Variants in SEPTIN9 observed in about 807,000 individuals in gnomAD.
The protein encoded by SEPTIN9 is septin 9.
In SEPTIN9, 13 loss-of-function variants were observed where a neutral mutation model predicts 56.6. That is an observed-to-expected ratio of 0.23 (90% confidence interval 0.15 to 0.37). The LOEUF (loss-of-function observed/expected upper bound fraction) is 0.37, where lower values mean the gene tolerates loss of function less well. SEPTIN9 is among the 10% of genes least tolerant of loss of function. The probability of loss-of-function intolerance (pLI) is 1.00; values close to 1 mark genes in which losing one functional copy is unlikely to be tolerated. For missense variants in SEPTIN9, 650 were observed against 823.1 expected, an observed-to-expected ratio of 0.79 and a Z score of 2.57; for synonymous variants, 332 against 334.1, an observed-to-expected ratio of 0.99 and a Z score of 0.07.
chr17:77,454,147 C>T (rs1045917028), intron 3 of SEPTIN9: 36 of 985,776 alleles, frequency 3.7e-5, no homozygotes, highest in Middle Eastern at 5.2e-4. Context: ...CCCCTCTCTG[C>T]AGCCCTCACC....
rs764405086 is a variant in SEPTIN9 at position 77,475,914 on chromosome 17, A to G, written c.722-6230A>G. On this transcript the variant is annotated intron_variant, in intron 3 of 11. Transcript: ENST00000427177. This position sits in a 1 kb window ranked among gnomAD's most constrained non-coding sequence, Gnocchi z 4.6. ...GCAGTGACAGACAAGGTGTGTGGGG[A>G]TGTGGCCATTTCGGTCCGTGCTCTG... is the stretch of plus-strand genomic sequence containing the variant. 1.2e-6 allele frequency: 2 copies of G among 1,604,358 alleles called. No homozygotes were observed. Among genetic ancestry groups the G allele is most frequent in the African/African-American group, 2.7e-5 (2 of 74,812 alleles).
At chr17:77,466,264 C>A in intron 3 of SEPTIN9, 1 of 366,262 alleles carries the variant, frequency 2.7e-6, no homozygotes, top group Non-Finnish European at 3.8e-6. Flanking sequence ...CTCAGAGATG[C>A]AGCCGAGGAG....
chr17:77,396,259 G>A (rs894062341), intron 2 of SEPTIN9, among the ~76,000 whole-genome samples: 1 of 152,238 alleles, frequency 6.6e-6, no homozygotes, highest in Non-Finnish European at 1.5e-5. Flanking sequence ...TCAGCTGGGA[G>A]CCTCTTCTGT....
rs1341262637 is a variant in SEPTIN9 at position 77,389,685 on chromosome 17, A to C, written c.77-12374A>C. Among the ~76,000 whole-genome samples the C allele has an allele frequency of 6.6e-6, 1 of 150,538 alleles. No individual in the cohort carries two copies. Among genetic ancestry groups the C allele is most frequent in the African/African-American group, 2.5e-5 (1 of 40,760 alleles). On this transcript the variant is annotated intron_variant, in intron 2 of 11. Coordinates refer to ENST00000427177, the MANE Select transcript of SEPTIN9 (RefSeq NM_001113491.2). The surrounding 1 kb of genome is among the most constrained non-coding windows in gnomAD (Gnocchi z 4.3). ...CCGTCCCACCCTTCTGCTGCCTTCC[A>C]CCAGGGACGGAGGGTGGGCGGCCCT...
chr17:77,490,733 C>T lies in SEPTIN9; in HGVS notation c.1263-9C>T, dbSNP rs773892360. On this transcript the variant is annotated splice_polypyrimidine_tract_variant and intron_variant, in intron 7 of 11. Transcript: ENST00000427177. ...CCAGATGAGCCTCACGCACATCCCT[C>T]TGCTTCAGCCTCAGGCCCCTGGACA... 4.5e-6 allele frequency: 7 copies of T among 1,557,328 alleles called. No individual in the cohort carries two copies. Among genetic ancestry groups the T allele is most frequent in the Non-Finnish European group, 5.2e-6 (6 of 1,149,142 alleles).
intron 3 of SEPTIN9, among the ~76,000 whole-genome samples, chr17:77,432,190 G>A (rs543461757): frequency 1.1e-3 from 171 of 152,272 alleles, no homozygotes; most frequent in Middle Eastern, 3.4e-3. Context: ...TAGCCAATAC[G>A]CTCAACTATG....
chr17:77,466,695 C>A, intron 3 of SEPTIN9: 1 of 426,652 alleles, frequency 2.3e-6, no homozygotes, highest in Non-Finnish European at 3.1e-6. Context: ...CCTCATTTAA[C>A]CAGCTAACAT....
At position 77,450,501 on chromosome 17, in the gene SEPTIN9, G is replaced by A. The variant is rs575433435; in HGVS notation, c.722-31643G>A. Reference sequence around the variant, plus strand: ...TCCCAGGCGCTCTCTCCTAGTGTGGGAGTGGCCACGCCCCTGCTGGGAGTG... The same window carrying A: ...TCCCAGGCGCTCTCTCCTAGTGTGGAAGTGGCCACGCCCCTGCTGGGAGTG... On this transcript the variant is annotated intron_variant, in intron 3 of 11. Coordinates refer to ENST00000427177, the MANE Select transcript of SEPTIN9 (RefSeq NM_001113491.2). The surrounding 1 kb of genome is among the most constrained non-coding windows in gnomAD (Gnocchi z 6.0). 2.0e-6 allele frequency: 2 copies of A among 985,480 alleles called. No homozygotes were observed. The highest frequency in any genetic ancestry group is 9.4e-5 in the South Asian group (2 of 21,288). The allele number at this position is 985,480 out of a possible 1,614,324, so 61.0% of individuals were successfully genotyped here. A position where few individuals can be genotyped will look rare whatever the true frequency, so the allele number is the denominator to read the frequency against.
intron 3 of SEPTIN9, among the ~76,000 whole-genome samples, chr17:77,424,180 C>T (rs953759615): frequency 6.8e-6 from 1 of 146,358 alleles, no homozygotes; most frequent in Non-Finnish European, 1.5e-5. Flanking sequence ...TCTGCACTAT[C>T]GCCGTAGAAA....
chr17:77,341,836 A>C (rs1159689766), intron 2 of SEPTIN9, among the ~76,000 whole-genome samples: 3 of 150,952 alleles, frequency 2.0e-5, no homozygotes, highest in Non-Finnish European at 4.4e-5. Flanking sequence ...TAATCCCAGC[A>C]CTTTGGGAGG....
intron 3 of SEPTIN9, among the ~76,000 whole-genome samples, chr17:77,440,189 C>T (rs915874320): frequency 3.3e-5 from 5 of 152,128 alleles, no homozygotes; most frequent in Admixed American, 6.5e-5. Context: ...GAGTCTCGCT[C>T]CGTCACCTAG....
At chr17:77,373,341 A>T (rs1005763004) in intron 2 of SEPTIN9, 41 of 1,176,692 alleles carry the variant, frequency 3.5e-5, no homozygotes, top group Non-Finnish European at 4.2e-5. Context: ...TCCCCCATTC[A>T]TTCAGCTGAG....
At position 77,371,229 on chromosome 17, in the gene SEPTIN9, T is replaced by C. The variant is rs1164304872; in HGVS notation, c.77-30830T>C. Among the ~76,000 whole-genome samples, 1 of 152,158 alleles carries C rather than the reference T, an allele frequency of 6.6e-6. No individual in the cohort carries two copies. Among genetic ancestry groups the C allele is most frequent in the East Asian group, 1.9e-4 (1 of 5,176 alleles). On this transcript the variant is annotated intron_variant, in intron 2 of 11. Transcript: ENST00000427177. This position sits in a 1 kb window ranked among gnomAD's most constrained non-coding sequence, Gnocchi z 4.1. ...GTGGCTGGGGCTGGAGCCGGTGGGC[T>C]CTGAGCACAGTCACGAAGGCATGCG...
chr17:77,495,094 T>C (rs2040197859), intron 10 of SEPTIN9, among the ~76,000 whole-genome samples: 1 of 152,174 alleles, frequency 6.6e-6, no homozygotes, highest in Non-Finnish European at 1.5e-5. Flanking sequence ...GCCGGCGGCT[T>C]TGCTATGGGC....
intron 2 of SEPTIN9, among the ~76,000 whole-genome samples, chr17:77,363,278 T>C (rs2034473953): frequency 6.6e-6 from 1 of 150,842 alleles, no homozygotes; most frequent in African/African-American, 2.4e-5. Flanking sequence ...TTATGAATTA[T>C]AAACAGACAC....
At chr17:77,301,438 GTT>G in intron 1 of SEPTIN9, among the ~76,000 whole-genome samples, 1 of 128,582 alleles carries the variant, frequency 7.8e-6, no homozygotes, top group African/African-American at 2.9e-5. Flanking sequence ...GTGTGTGTGT[GTT>G]TTGAGAAAGA....
In SEPTIN9 at chr17:77,329,953, G is replaced by A. The variant is rs568056939; in HGVS notation, c.76+22756G>A. The stretch of plus-strand genomic sequence containing the variant: ...CTTCGGACTGGCCAGGCAGGTGGGT[G>A]GGGGCTGCAGTCCATGCCCCCGCTC... On this transcript the variant is annotated intron_variant, in intron 2 of 11. Transcript: ENST00000427177. The surrounding 1 kb of genome is among the most constrained non-coding windows in gnomAD (Gnocchi z 4.3). Among the ~76,000 whole-genome samples, 4 of 152,302 alleles carry A rather than the reference G, an allele frequency of 2.6e-5. No homozygotes were observed. In the East Asian group the frequency reaches 7.7e-4, roughly 29 times the overall value.
At chr17:77,482,404 A>G in intron 4 of SEPTIN9, 69 bp downstream of exon 4, 1 of 1,498,068 alleles carries the variant, frequency 6.7e-7, no homozygotes, top group Non-Finnish European at 9.1e-7. Context: ...GGCGGCCCAC[A>G]AGCCTTTGGG....
rs145754829 is a variant in SEPTIN9 at position 77,456,196 on chromosome 17, C to T, written c.722-25948C>T. ...TCGCTGCTGTCTGTAGCTGGGGGGC[C>T]GGGTGGGTGGGAGCCGAGGCCAGGG... is the stretch of plus-strand genomic sequence containing the variant. On this transcript the variant is annotated intron_variant, in intron 3 of 11. Transcript: ENST00000427177. This position sits in a 1 kb window ranked among gnomAD's most constrained non-coding sequence, Gnocchi z 6.0. Among the ~76,000 whole-genome samples the T allele has an allele frequency of 0.065, 885 of 13,656 alleles. 45 individuals are homozygous for T. The highest frequency in any genetic ancestry group is 0.35 in the East Asian group (566 of 1,612). 9.0% of individuals were successfully genotyped at this position (13,656 alleles called of 152,430 possible).
Sources: allele counts gnomAD v4.1 joint callset (sites outside exome capture counted in the v4.1 genomes callset), GRCh38; gene constraint gnomAD v4.1.1; non-coding constraint Gnocchi (gnomAD v3.1); transcripts MANE v1.5; gene names NCBI Gene and HGNC (gene_info 2026-07-23, HGNC 2026-07-21).